The following TRIM65 variants were observed in gnomAD, a reference collection of about 807,000 sequenced individuals.
TRIM65 encodes E3 ubiquitin-protein ligase TRIM65.
Under a neutral mutation model 36.1 loss-of-function variants are expected in TRIM65, and 46 were observed. The ratio of observed to expected loss-of-function variants is 1.27; its 90% CI spans 1.01 to 1.63. TRIM65 has a LOEUF of 1.63. Ranked by LOEUF, TRIM65 falls within the 40% of genes most tolerant of loss-of-function variation. The pLI, the probability that TRIM65 is intolerant of heterozygous loss-of-function variation, is 0.00. For missense variants in TRIM65, 708 were observed against 696.6 expected, an observed-to-expected ratio of 1.02 and a Z score of -0.18; for synonymous variants, 346 against 313.6, an observed-to-expected ratio of 1.10 and a Z score of -1.09.
rs1325272623 is a variant in TRIM65, at chr17:75,891,264, G to T, written c.1069C>A (p.Arg357Ser). ...GGCCCGCCTGGGCCCCGGGACTGAC[G>T]ACAGTGCTTCACCTGCTGGTCCTGG... ...SRQDQQVKHC[R>S]QSRGPGGPGS... The change falls in exon 6 of 6, where the codon CGT (arginine) becomes AGT (serine). Residue 357 changes from arginine to serine, a missense_variant. By Grantham distance (110) the Arg-to-Ser change is moderately radical (BLOSUM62 -1). Coordinates refer to ENST00000269383, the MANE Select transcript of TRIM65 (RefSeq NM_173547.4). 1 of 1,613,016 alleles carries T rather than the reference G, an allele frequency of 6.2e-7. No individual in the cohort carries two copies. The highest frequency in any genetic ancestry group is 1.1e-5 in the South Asian group (1 of 91,078).
At chr17:75,885,994 C>T (rs542212884), downstream of TRIM65, among the ~76,000 whole-genome samples, 35 of 152,294 alleles carry the variant, frequency 2.3e-4, no homozygotes, top group African/African-American at 7.7e-4. Context: ...ATGATCCCCA[C>T]GTGTCGTGGG....
chr17:75,896,468 G>A (rs562597289), intron 1 of TRIM65, 56 bp downstream of exon 1: 2 of 1,286,448 alleles, frequency 1.6e-6, no homozygotes, highest in African/African-American at 1.6e-5. Context: ...GAGTCACCCG[G>A]CGGTGGCCAG....
downstream of TRIM65, among the ~76,000 whole-genome samples, chr17:75,885,848 C>T (rs1217267863): frequency 6.6e-6 from 1 of 152,164 alleles, no homozygotes; most frequent in Non-Finnish European, 1.5e-5. Flanking sequence ...CTTGATGCTA[C>T]TCAAAGCCTC....
chr17:75,882,292 C>T (rs2065173720), intron 4 of TRIM65, among the ~76,000 whole-genome samples: 1 of 150,478 alleles, frequency 6.6e-6, no homozygotes, highest in Non-Finnish European at 1.5e-5. Flanking sequence ...ACTGCAACCT[C>T]CACCTTCTGG....
intron 1 of TRIM65, among the ~76,000 whole-genome samples, chr17:75,896,209 C>T (rs2065344072): frequency 6.6e-6 from 1 of 152,244 alleles, no homozygotes; most frequent in Admixed American, 6.5e-5. Context: ...GCGCCCGCCA[C>T]CACGCCCGGC....
downstream of TRIM65, among the ~76,000 whole-genome samples, chr17:75,885,754 A>C (rs1349441182): frequency 6.6e-6 from 1 of 152,190 alleles, no homozygotes; most frequent in Non-Finnish European, 1.5e-5. Context: ...CCTGACTGAC[A>C]GTTTGGCTGG....
chr17:75,884,943 T>C (rs567577902), downstream of TRIM65, among the ~76,000 whole-genome samples: 2 of 151,388 alleles, frequency 1.3e-5, no homozygotes, highest in Admixed American at 6.6e-5. Flanking sequence ...AGTTCCTTTT[T>C]TTTTTTTTTT....
intron 1 of TRIM65, among the ~76,000 whole-genome samples, chr17:75,893,527 T>C (rs1218857348): frequency 6.6e-6 from 1 of 152,042 alleles, no homozygotes; most frequent in African/African-American, 2.4e-5. Flanking sequence ...ACCACGCAGG[T>C]CCCAGGGGCT....
intron 1 of TRIM65, among the ~76,000 whole-genome samples, chr17:75,894,896 C>T (rs964148081): frequency 6.6e-6 from 1 of 152,172 alleles, no homozygotes; most frequent in Non-Finnish European, 1.5e-5. Flanking sequence ...AGGAGGTGAC[C>T]CTCACTCATG....
At chr17:75,883,406 G>A (rs1297023470) in intron 4 of TRIM65, among the ~76,000 whole-genome samples, 3 of 151,540 alleles carry the variant, frequency 2.0e-5, no homozygotes, top group African/African-American at 7.3e-5. Flanking sequence ...CAAGAGCCAC[G>A]GTGCCTAGCC....
In TRIM65 at chr17:75,889,829, T is replaced by A. The variant is rs1052764207; in HGVS notation, c.*950A>T. ...TAAGCCAGGCGTGGTGGCATACACC[T>A]GTAATCCCAGCTACTCAGGAGGCTG... On this transcript the variant is annotated 3_prime_UTR_variant, in exon 6 of 6. Coordinates refer to ENST00000269383, the MANE Select transcript of TRIM65 (RefSeq NM_173547.4). 2.0e-5 allele frequency: 3 copies of A among 152,200 alleles called. No individual in the cohort carries two copies. Among genetic ancestry groups the A allele is most frequent in the Non-Finnish European group, 4.4e-5 (3 of 68,066 alleles). The allele number at this position is 152,200 out of a possible 1,614,324, so 9.4% of individuals were successfully genotyped here.
chr17:75,893,801 A>G (rs2065307220), intron 1 of TRIM65, among the ~76,000 whole-genome samples: 1 of 151,410 alleles, frequency 6.6e-6, no homozygotes, highest in Admixed American at 6.6e-5. Context: ...AGGCACCCCC[A>G]TGTCCCTTTC....
chr17:75,891,349 T>C lies in TRIM65; in HGVS notation c.986-2A>G. The C allele has an allele frequency of 6.2e-7, 1 of 1,613,146 alleles. No individual in the cohort carries two copies. The highest frequency in any genetic ancestry group is 8.5e-7 in the Non-Finnish European group (1 of 1,179,810). On this transcript the variant is annotated splice_acceptor_variant, in intron 5 of 5. Transcript: ENST00000269383. LOFTEE classifies it high-confidence loss of function. ...GATCAAAGGTCAGATTGCGATAATC[T>C]GTTGGGGAAAGGAGGACAGCAGTGG...
Position 75,890,962 on chromosome 17 carries a change from C to A in TRIM65, c.1371G>T (p.Leu457=). 1 of 1,562,094 alleles carries A rather than the reference C, an allele frequency of 6.4e-7. No individual in the cohort carries two copies. The highest frequency in any genetic ancestry group is 8.7e-7 in the Non-Finnish European group (1 of 1,153,526). ...TGTAGAAGGTGAGGCAGCCTGAGGC[C>A]AGGTCCAAATCCATGCCCAGGAGCC... ...SGRLLGMDLD[L]ASGCLTFYSL... Residue 457 remains leucine, a synonymous_variant, in exon 6 of 6, where the codon CTG becomes CTT. Transcript: ENST00000269383.
rs2065272057 is a variant in TRIM65, at chr17:75,891,862, CA to C, written c.935del (p.Leu312ArgfsTer11). ...GACAAACTGTGCTTGGGACCGGTGC[CA>C]GGGGACCTGGGGCCTCTAGGGGGCA... is the stretch of plus-strand genomic sequence containing the variant. ...DLAPVEAPGP[L>X]APVPSTVCPL... On this transcript the variant is annotated frameshift_variant, in exon 5 of 6. Transcript: ENST00000269383. LOFTEE classifies it low-confidence loss of function (END_TRUNC). 1 of 1,612,682 alleles carries C rather than the reference CA, an allele frequency of 6.2e-7. No individual in the cohort carries two copies. The highest frequency in any genetic ancestry group is 8.5e-7 in the Non-Finnish European group (1 of 1,179,324).
Position 75,896,595 on chromosome 17 carries a change from T to C in TRIM65, c.343A>G (p.Ser115Gly), listed in dbSNP as rs1291269396. The C allele has an allele frequency of 1.6e-6, 2 of 1,284,010 alleles. No individual in the cohort carries two copies. The highest frequency in any genetic ancestry group is 2.0e-6 in the Non-Finnish European group (2 of 1,018,190). 79.5% of individuals were successfully genotyped at this position (1,284,010 alleles called of 1,614,324 possible). A position where few individuals can be genotyped will look rare whatever the true frequency, so the allele number is the denominator to read the frequency against. Reference protein sequence around the residue: ...FCRTEGRCVCSVCTVRECRLH... With the variant: ...FCRTEGRCVCGVCTVRECRLH... Reference sequence around the variant, plus strand: ...CGACACTCGCGCACGGTGCACACGCTGCACACACAGCGGCCCTCGGTCCGG... The same window carrying C: ...CGACACTCGCGCACGGTGCACACGCCGCACACACAGCGGCCCTCGGTCCGG... The change falls in exon 1 of 6, where the codon AGC (serine) becomes GGC (glycine). Residue 115 changes from serine to glycine, a missense_variant. Physicochemically the swap from Ser to Gly is moderately conservative, Grantham distance 56. Coordinates refer to ENST00000269383, the MANE Select transcript of TRIM65 (RefSeq NM_173547.4).
chr17:75,890,774 C>T lies in TRIM65; in HGVS notation c.*5G>A. 1 of 1,462,964 alleles carries T rather than the reference C, an allele frequency of 6.8e-7. No homozygotes were observed. Among genetic ancestry groups the T allele is most frequent in the South Asian group, 1.5e-5 (1 of 67,410 alleles). The allele number at this position is 1,462,964 out of a possible 1,614,324, so 90.6% of individuals were successfully genotyped here. ...GCTATGCCAGGGCTCCATCCCATGC[C>T]TTCTTCAGCTGAGCACCTCTTCCTG... On this transcript the variant is annotated 3_prime_UTR_variant, in exon 6 of 6. Transcript: ENST00000269383.
At chr17:75,892,246 C>G in intron 3 of TRIM65, 21 bp downstream of exon 3, 4 of 1,604,082 alleles carry the variant, frequency 2.5e-6, no homozygotes, top group Non-Finnish European at 3.4e-6. Context: ...AGTCCGCCAC[C>G]TATGCCCTGA....
rs202175254 is a variant in TRIM65, at chr17:75,891,189, C to T, written c.1144G>A (p.Gly382Arg). The T allele has an allele frequency of 7.3e-4, 1,177 of 1,611,370 alleles. 2 individuals are homozygous for T. Among genetic ancestry groups the T allele is most frequent in the African/African-American group, 9.7e-4 (73 of 75,006 alleles). ...GCGCGCACCTCCCAGTAGTGGTGCC[C>T]GGCCTGGAAGCTCTGGGCACATTGC... ...QVQCAQSFQA[G>R]HHYWEVRASD... The change falls in exon 6 of 6, where the codon GGG becomes AGG. Residue 382 changes from glycine to arginine, a missense_variant. By Grantham distance (125) the Gly-to-Arg change is moderately radical (BLOSUM62 -2). Transcript: ENST00000269383.
Sources: gnomAD v4.1 joint callset for allele counts (sites outside exome capture counted in the v4.1 genomes callset) on GRCh38, gnomAD v4.1.1 for gene constraint, MANE v1.5 for transcripts, NCBI Gene and HGNC (gene_info 2026-07-23, HGNC 2026-07-21) for gene names.